UBE2E3: variants seen among roughly 807,000 people sequenced by gnomAD.
UBE2E3 encodes ubiquitin-conjugating enzyme E2 E3.
UBE2E3 carries 5 observed loss-of-function variants against 23.6 expected under a neutral mutation model. The ratio of observed to expected loss-of-function variants is 0.21; its 90% CI spans 0.11 to 0.44. The LOEUF is 0.44. Among genes scored for constraint, UBE2E3 ranks in the 20% least tolerant of loss-of-function variants. The pLI, the probability that UBE2E3 is intolerant of heterozygous loss-of-function variation, is 0.99. For missense variants in UBE2E3, 81 were observed against 249.8 expected (o/e 0.32, Z 4.55); for synonymous variants, 78 against 87.5 (o/e 0.89, Z 0.60).
At chr2:181,004,400 T>C (rs951943273) in intron 3 of UBE2E3, among the ~76,000 whole-genome samples, 5 of 152,072 alleles carry the variant, frequency 3.3e-5, no homozygotes, top group Admixed American at 3.3e-4. Context: ...TTTGGGAGGC[T>C]GAGGAGGGCA....
chr2:181,022,488 A>G (rs375619336), intron 3 of UBE2E3, among the ~76,000 whole-genome samples: 1 of 152,088 alleles, frequency 6.6e-6, no homozygotes, highest in African/African-American at 2.4e-5. Flanking sequence ...GTTGAAAAAC[A>G]TCTTCTCAGT....
At chr2:180,996,421 C>A (rs1013909072) in intron 3 of UBE2E3, among the ~76,000 whole-genome samples, 1 of 152,214 alleles carries the variant, frequency 6.6e-6, no homozygotes, top group African/African-American at 2.4e-5. Context: ...GAACGCAAAC[C>A]TTTATCAGAA....
chr2:181,031,259 A>C (rs961200425), intron 3 of UBE2E3, among the ~76,000 whole-genome samples: 1 of 152,140 alleles, frequency 6.6e-6, no homozygotes, highest in Non-Finnish European at 1.5e-5. Context: ...GTTTTCATTA[A>C]ATCATGTTCA....
Position 180,989,756 on chromosome 2 carries a change from A to T in UBE2E3, c.245+5663A>T, listed in dbSNP as rs958291435. The T allele has an allele frequency of 9.6e-6, 10 of 1,044,160 alleles. No homozygotes were observed. The Admixed American group carries it at 1.6e-4, about 17-fold the overall frequency. 64.7% of individuals were successfully genotyped at this position (1,044,160 alleles called of 1,614,324 possible). ...TAAAACAGCATGTGCTTTTAAAAAA[A>T]GTTATATGTTTACTTCGCAGCTACA... On this transcript the variant is annotated intron_variant, in intron 3 of 5. Transcript: ENST00000410062.
chr2:180,990,210 A>G (rs1252356415), intron 3 of UBE2E3, among the ~76,000 whole-genome samples: 2 of 152,130 alleles, frequency 1.3e-5, no homozygotes, highest in African/African-American at 4.8e-5. Flanking sequence ...ATGCCCAGAG[A>G]TATTTTTTGC....
chr2:181,059,348 T>C lies in UBE2E3; in HGVS notation c.379-1317T>C, dbSNP rs185373858. Among the ~76,000 whole-genome samples the C allele has an allele frequency of 4.6e-5, 7 of 151,900 alleles. No individual in the cohort carries two copies. In the East Asian group the frequency reaches 1.4e-3, roughly 30 times the overall value. On this transcript the variant is annotated intron_variant, in intron 4 of 5. Transcript: ENST00000410062. ...TGAATGCTATTCTGTTCACTAGTTA[T>C]AGCTGAAAATATATTTGTAAATCAC...
chr2:180,982,933 T>G (rs1437171425), intron 2 of UBE2E3, among the ~76,000 whole-genome samples: 1 of 152,186 alleles, frequency 6.6e-6, no homozygotes, highest in Non-Finnish European at 1.5e-5. Context: ...CTTGACAAGT[T>G]AATACTCAAC....
upstream of UBE2E3, chr2:180,980,399 G>C (rs952707015): frequency 6.6e-6 from 1 of 151,596 alleles, no homozygotes; most frequent in Non-Finnish European, 1.5e-5. This position sits in a 1 kb window ranked among gnomAD's most constrained non-coding sequence, Gnocchi z 5.5. Flanking sequence ...GGGCCAGCCC[G>C]CCGGGTCCCC....
At chr2:181,017,332 C>T (rs1037824292) in intron 3 of UBE2E3, among the ~76,000 whole-genome samples, 24 of 152,138 alleles carry the variant, frequency 1.6e-4, no homozygotes, top group African/African-American at 5.5e-4. Context: ...TAGAGCAGAA[C>T]CAGTAAAGGG....
chr2:181,062,633 A>C (rs1401134), intron 5 of UBE2E3, among the ~76,000 whole-genome samples, 158 bp from the exon 6 acceptor site: 1 of 151,288 alleles, frequency 6.6e-6, no homozygotes, highest in Non-Finnish European at 1.5e-5. Context: ...TAAAATATAC[A>C]TATGATCATG....
chr2:181,007,002 A>G (rs1049487287), intron 3 of UBE2E3, among the ~76,000 whole-genome samples: 14 of 152,180 alleles, frequency 9.2e-5, no homozygotes, highest in African/African-American at 3.4e-4. Context: ...GAAACAAATA[A>G]TTTAGCTTGA....
At chr2:181,040,565 A>G in intron 3 of UBE2E3, among the ~76,000 whole-genome samples, 1 of 152,330 alleles carries the variant, frequency 6.6e-6, no homozygotes, top group East Asian at 1.9e-4. Context: ...TAAAAGAACT[A>G]TAACATCTAA....
At chr2:181,031,203 T>A (rs1238783671) in intron 3 of UBE2E3, among the ~76,000 whole-genome samples, 1 of 152,184 alleles carries the variant, frequency 6.6e-6, no homozygotes, top group African/African-American at 2.4e-5. Flanking sequence ...CCAGTGTGCT[T>A]GAGAAAAATA....
At chr2:181,012,117 A>T (rs770618964) in intron 3 of UBE2E3, among the ~76,000 whole-genome samples, 10 of 152,150 alleles carry the variant, frequency 6.6e-5, no homozygotes, top group Non-Finnish European at 1.3e-4. Flanking sequence ...GGGCAATATG[A>T]TCAGTCAGCA....
At chr2:181,031,975 G>A (rs1271119545) in intron 3 of UBE2E3, among the ~76,000 whole-genome samples, 1 of 152,138 alleles carries the variant, frequency 6.6e-6, no homozygotes, top group Non-Finnish European at 1.5e-5. Context: ...TTTTGGAAAT[G>A]CCATGTAGCC....
chr2:181,032,977 A>G (rs1008334925), intron 3 of UBE2E3, among the ~76,000 whole-genome samples: 11 of 152,132 alleles, frequency 7.2e-5, no homozygotes, highest in Middle Eastern at 3.2e-3. Context: ...TACAAGGGAT[A>G]TGAAGGACCT....
intron 3 of UBE2E3, among the ~76,000 whole-genome samples, chr2:181,002,945 T>A (rs1200594861): frequency 6.6e-6 from 1 of 152,242 alleles, no homozygotes; most frequent in Non-Finnish European, 1.5e-5. Context: ...GAAAGAAAAC[T>A]CAACACCCGG....
intron 3 of UBE2E3, among the ~76,000 whole-genome samples, chr2:181,048,948 G>A (rs1402444673): frequency 6.6e-6 from 1 of 152,014 alleles, no homozygotes; most frequent in Non-Finnish European, 1.5e-5. Flanking sequence ...GCCTTGATAA[G>A]GTTGTTAAAA....
intron 5 of UBE2E3, 139 bp downstream of exon 5, chr2:181,060,951 T>C (rs1687136077): frequency 1.1e-6 from 1 of 926,602 alleles, no homozygotes; most frequent in African/African-American, 1.8e-5. Flanking sequence ...CATAAAACAG[T>C]TTGTGAGGAA....
Sources: gnomAD v4.1 joint callset for allele counts (sites outside exome capture counted in the v4.1 genomes callset) on GRCh38, gnomAD v4.1.1 for gene constraint, Gnocchi (gnomAD v3.1) non-coding constraint, MANE v1.5 for transcripts, NCBI Gene and HGNC (gene_info 2026-07-23, HGNC 2026-07-21) for gene names.